The following PAK2 variants were observed in gnomAD, a reference collection of about 807,000 sequenced individuals.
The protein encoded by PAK2 is p21 (RAC1) activated kinase 2.
A neutral mutation model predicts 65.9 loss-of-function variants in PAK2; 21 were observed. That is an observed-to-expected ratio of 0.32 (90% CI 0.23 to 0.46). PAK2 has a LOEUF of 0.46. Among genes scored for constraint, PAK2 ranks in the 20% least tolerant of loss-of-function variants. The pLI is 1.00. For missense variants in PAK2, 324 were observed against 642.6 expected (o/e 0.50, Z 5.36); for synonymous variants, 204 against 219.7 (o/e 0.93, Z 0.63).
At position 196,832,475 on chromosome 3, in the gene PAK2, A is replaced by C. The variant is rs1007471378; in HGVS notation, c.*4070A>C. 6.6e-6 allele frequency: 1 copy of C among 152,118 alleles called. No individual in the cohort carries two copies. The highest frequency in any genetic ancestry group is 1.5e-5 in the Non-Finnish European group (1 of 68,014). 9.4% of individuals were successfully genotyped at this position (152,118 alleles called of 1,614,324 possible). On this transcript the variant is annotated 3_prime_UTR_variant, in exon 15 of 15. Transcript: ENST00000327134. The stretch of plus-strand genomic sequence containing the variant: ...TTTGTTCTTTCAGGGCTAGAAATAA[A>C]CTTTTTAAAAAAAGTGTGCATTTTT...
chr3:196,749,089 T>C (rs969093970), intron 1 of PAK2, among the ~76,000 whole-genome samples: 1 of 152,082 alleles, frequency 6.6e-6, no homozygotes, highest in Non-Finnish European at 1.5e-5. Context: ...TTCTTTTTTT[T>C]TTGGGTGAAT....
At chr3:196,815,285 GT>G (rs770606491) in intron 11 of PAK2, among the ~76,000 whole-genome samples, 17 of 151,674 alleles carry the variant, frequency 1.1e-4, no homozygotes, top group South Asian at 2.1e-4. Context: ...GAGGTCAGGA[GT>G]TTTGAGACCA....
At position 196,814,142 on chromosome 3, in the gene PAK2, C is replaced by G. The variant is rs370647611; in HGVS notation, c.936-309C>G. On this transcript the variant is annotated intron_variant, in intron 10 of 14. Coordinates refer to ENST00000327134, the MANE Select transcript of PAK2 (RefSeq NM_002577.4). ...GGATGAGTCACTTCACCTCTCCAAGCCTTTGTCTGTTTATCTCTAAAACAG... is the reference window on the plus strand; with the variant it reads ...GGATGAGTCACTTCACCTCTCCAAGGCTTTGTCTGTTTATCTCTAAAACAG... Among the ~76,000 whole-genome samples, 5 of 152,054 alleles carry G rather than the reference C, an allele frequency of 3.3e-5. No individual in the cohort carries two copies. The East Asian group carries it at 5.8e-4, about 18-fold the overall frequency.
chr3:196,782,580 G>T (rs556751805), intron 1 of PAK2, 46 bp from the exon 2 acceptor site: 12 of 875,078 alleles, frequency 1.4e-5, no homozygotes, highest in Admixed American at 9.8e-5. Flanking sequence ...TTGCTTGTTC[G>T]TGCTATTTTT....
At chr3:196,785,104 A>G (rs1190117405) in intron 2 of PAK2, 6 of 152,354 alleles carry the variant, frequency 3.9e-5, no homozygotes, top group Middle Eastern at 6.8e-3. Flanking sequence ...AATTTTTTAA[A>G]TACCCCAGAT....
At chr3:196,804,466 T>C (rs952793782) in intron 4 of PAK2, among the ~76,000 whole-genome samples, 2 of 132,196 alleles carry the variant, frequency 1.5e-5, no homozygotes, top group South Asian at 2.1e-4. Flanking sequence ...CGCGTGCGTG[T>C]GTGTGTTTTG....
chr3:196,787,253 G>GA (rs200882893), intron 2 of PAK2, among the ~76,000 whole-genome samples: 1,555 of 151,082 alleles, frequency 0.01, 33 homozygotes, highest in African/African-American at 0.035. Context: ...TACTTTAACA[G>GA]AAAAAAAAAC....
chr3:196,820,516 T>A lies in PAK2; in HGVS notation c.1299T>A (p.Ala433=). ...KVDIWSLGIM[A]IEMVEGEPPY... is the part of the protein sequence containing the mutation. ...ACATATGGTCTCTGGGTATCATGGC[T>A]ATTGAGATGGTAGAAGGAGAGCCTC... The change falls in exon 13 of 15, where the codon GCT becomes GCA. Residue 433 remains alanine (A), a synonymous_variant. Coordinates refer to ENST00000327134, the MANE Select transcript of PAK2 (RefSeq NM_002577.4). This position sits in a 1 kb window ranked among gnomAD's most constrained non-coding sequence, Gnocchi z 4.6. 1 of 1,611,846 alleles carries A rather than the reference T, an allele frequency of 6.2e-7. No homozygotes were observed. The highest frequency in any genetic ancestry group is 1.1e-5 in the South Asian group (1 of 90,822).
chr3:196,785,779 C>T (rs537292485), intron 2 of PAK2, among the ~76,000 whole-genome samples: 244 of 152,230 alleles, frequency 1.6e-3, no homozygotes, highest in African/African-American at 5.2e-3. Flanking sequence ...AGGAGCAAGT[C>T]GCGTCCTACG....
At chr3:196,751,038 T>C (rs1045324829) in intron 1 of PAK2, among the ~76,000 whole-genome samples, 2 of 152,122 alleles carry the variant, frequency 1.3e-5, no homozygotes, top group Admixed American at 6.6e-5. Flanking sequence ...TAACTCCTCA[T>C]TCCCTACCTC....
At chr3:196,823,268 GAA>G (rs973779517) in intron 13 of PAK2, among the ~76,000 whole-genome samples, 2 of 152,118 alleles carry the variant, frequency 1.3e-5, no homozygotes, top group African/African-American at 4.8e-5. Context: ...ACATGAGAGA[GAA>G]AAGACTAACG....
Position 196,743,259 on chromosome 3 carries a change from T to C in PAK2, c.-22+3102T>C, listed in dbSNP as rs566806580. On this transcript the variant is annotated intron_variant, in intron 1 of 14. Coordinates refer to ENST00000327134, the MANE Select transcript of PAK2 (RefSeq NM_002577.4). ...TCAGGATTTCAGTGTTCCAGCCTAC[T>C]ATCTCTGAGTTTCTTTAGTACTTAC... is the stretch of plus-strand genomic sequence containing the variant. 4.6e-5 allele frequency among the ~76,000 whole-genome samples: 7 copies of C among 152,336 alleles called. No homozygotes were observed. In the East Asian group the frequency reaches 1.4e-3, roughly 29 times the overall value.
At chr3:196,789,744 C>T (rs143659456) in intron 2 of PAK2, among the ~76,000 whole-genome samples, 71 of 152,284 alleles carry the variant, frequency 4.7e-4, no homozygotes, top group African/African-American at 1.5e-3. Flanking sequence ...GGATTACAGG[C>T]GTGAGCCACC....
At chr3:196,765,034 C>T (rs1417698001) in intron 1 of PAK2, among the ~76,000 whole-genome samples, 3 of 150,770 alleles carry the variant, frequency 2.0e-5, no homozygotes, top group South Asian at 2.1e-4. Flanking sequence ...TTAGTAGAGA[C>T]GAGGTTTCAC....
At chr3:196,825,983 A>G (rs1197736851) in intron 13 of PAK2, among the ~76,000 whole-genome samples, 1 of 150,620 alleles carries the variant, frequency 6.6e-6, no homozygotes, top group Non-Finnish European at 1.5e-5. Flanking sequence ...AGCTGGAACT[A>G]CAGGCATGTG....
Position 196,831,285 on chromosome 3 carries a change from T to G in PAK2, c.*2880T>G, listed in dbSNP as rs1194880710. 6.6e-6 allele frequency: 1 copy of G among 152,232 alleles called. No homozygotes were observed. Among genetic ancestry groups the G allele is most frequent in the Non-Finnish European group, 1.5e-5 (1 of 68,052 alleles). 9.4% of individuals were successfully genotyped at this position (152,232 alleles called of 1,614,324 possible). ...AATCTGAAAGTTACCTTAATAGTCC[T>G]CTTGTGTTATTAGGACAGTATTATT... On this transcript the variant is annotated 3_prime_UTR_variant, in exon 15 of 15. Transcript: ENST00000327134.
rs145790183 is a variant in PAK2 at position 196,754,441 on chromosome 3, G to A, written c.-22+14284G>A. 8.9e-3 allele frequency among the ~76,000 whole-genome samples: 1,353 copies of A among 152,252 alleles called. 26 individuals carry two copies. Among genetic ancestry groups the A allele is most frequent in the African/African-American group, 0.03 (1,237 of 41,538 alleles). ...AACCGCTTCTCAGATGTATTTCTGA[G>A]GGATAAATACACAGCTCCCGGCCTG... On this transcript the variant is annotated intron_variant, in intron 1 of 14. Coordinates refer to ENST00000327134, the MANE Select transcript of PAK2 (RefSeq NM_002577.4).
intron 8 of PAK2, 73 bp from the exon 9 acceptor site, chr3:196,812,146 G>C: frequency 1.2e-6 from 1 of 869,414 alleles, no homozygotes; most frequent in Non-Finnish European, 2.0e-6. Flanking sequence ...TGCTTGAAGT[G>C]TAAAGTCTTT....
chr3:196,758,453 A>G (rs1054235400), intron 1 of PAK2, among the ~76,000 whole-genome samples: 3 of 152,232 alleles, frequency 2.0e-5, no homozygotes, highest in African/African-American at 7.2e-5. Flanking sequence ...CGGGGAGGTC[A>G]TGTGCGAAAG....
Sources: gnomAD v4.1 joint callset for allele counts (sites outside exome capture counted in the v4.1 genomes callset) on GRCh38, gnomAD v4.1.1 for gene constraint, Gnocchi (gnomAD v3.1) non-coding constraint, MANE v1.5 for transcripts, NCBI Gene and HGNC (gene_info 2026-07-23, HGNC 2026-07-21) for gene names.